ANKRD24: variants seen among roughly 807,000 people sequenced by gnomAD.
ANKRD24 encodes the protein ankyrin repeat domain-containing protein 24.
In ANKRD24, 109 loss-of-function variants were observed where a neutral mutation model predicts 127.8. The observed-to-expected ratio is 0.85, with a 90% CI of 0.73 to 1.00. The LOEUF (loss-of-function observed/expected upper bound fraction) is 1.00, where lower values mean the gene tolerates loss of function less well. Among genes scored for constraint, ANKRD24 ranks in the 50% least tolerant of loss-of-function variants. ANKRD24 has a pLI of 0.00. For synonymous variants in ANKRD24, 743 were observed against 671.1 expected (o/e 1.11, Z -1.66); for missense variants, 1,648 against 1,570.2 (o/e 1.05, Z -0.84).
At chr19:4,211,254 G>T (rs1321273456) in intron 13 of ANKRD24, among the ~76,000 whole-genome samples, 1 of 152,162 alleles carries the variant, frequency 6.6e-6, no homozygotes, top group Non-Finnish European at 1.5e-5. Flanking sequence ...TCACAGTATG[G>T]GCGTCGTCAA....
rs1008652996 is a variant in ANKRD24, at chr19:4,212,634, A to C, written c.1133A>C (p.Gln378Pro). 1.9e-6 allele frequency: 3 copies of C among 1,551,296 alleles called. No homozygotes were observed. Among genetic ancestry groups the C allele is most frequent in the Non-Finnish European group, 2.6e-6 (3 of 1,147,000 alleles). ...QELQQLLVER[Q>P]EEKESLGREV... is the part of the protein sequence containing the mutation. ...CTACAGCAGTTGCTGGTGGAGAGAC[A>C]AGAGGAGAAGGAGAGCCTGGGACGG... The change falls in exon 15 of 22, where the codon CAA becomes CCA. Residue 378 changes from glutamine (Q) to proline (P), a missense_variant. By Grantham distance (76) the Gln-to-Pro change is moderately conservative. Transcript: ENST00000318934.
intron 2 of ANKRD24, among the ~76,000 whole-genome samples, chr19:4,196,798 G>T (rs965636955): frequency 6.6e-6 from 1 of 152,280 alleles, no homozygotes. Context: ...GCTTGAAGGA[G>T]CATCTCCCCC....
At chr19:4,186,702 C>A (rs912526109) in intron 2 of ANKRD24, among the ~76,000 whole-genome samples, 3 of 152,142 alleles carry the variant, frequency 2.0e-5, no homozygotes, top group African/African-American at 7.2e-5. Context: ...ACCAATCAGA[C>A]CCTCCTAATT....
In ANKRD24 at chr19:4,219,680, G is replaced by C; in HGVS notation, c.3093G>C (p.Arg1031=). Residue 1031 remains arginine (R), a synonymous_variant, in exon 19 of 22, where the codon CGG becomes CGC. Transcript: ENST00000318934. ...CAGAGCAGCAGCTACGGGGGCTACG[G>C]ACCGAGGCGGAAAGGGCTCGCCAGG... is the stretch of plus-strand genomic sequence containing the variant. ...ATAEQQLRGL[R]TEAERARQAQ... is the part of the protein sequence containing the mutation. 6.2e-7 allele frequency: 1 copy of C among 1,613,854 alleles called. No homozygotes were observed. The highest frequency in any genetic ancestry group is 8.5e-7 in the Non-Finnish European group (1 of 1,179,840).
At chr19:4,219,422 G>A (rs1049270287) in intron 18 of ANKRD24, among the ~76,000 whole-genome samples, 169 bp from the exon 19 acceptor site, 3 of 152,004 alleles carry the variant, frequency 2.0e-5, no homozygotes, top group Non-Finnish European at 2.9e-5. Context: ...AGCCATGATC[G>A]CACCACCGCA....
intron 12 of ANKRD24, 31 bp downstream of exon 12, chr19:4,210,169 A>G (rs768414483): frequency 1.9e-5 from 30 of 1,584,716 alleles, no homozygotes; most frequent in Non-Finnish European, 2.3e-5. Context: ...GGGAGGAGGC[A>G]TGGGGAGCCC....
chr19:4,211,642 TCAA>T (rs1404594672), intron 13 of ANKRD24, among the ~76,000 whole-genome samples: 2 of 151,840 alleles, frequency 1.3e-5, no homozygotes, highest in South Asian at 2.1e-4. Flanking sequence ...AGACTCCATC[TCAA>T]CAACAACAAC....
chr19:4,208,733 A>C, intron 10 of ANKRD24, 31 bp from the exon 11 acceptor site: 1 of 1,608,058 alleles, frequency 6.2e-7, no homozygotes, highest in Non-Finnish European at 8.5e-7. Context: ...CTGGGAACAG[A>C]ATGCCTGACC....
intron 15 of ANKRD24, among the ~76,000 whole-genome samples, chr19:4,214,157 A>G (rs903146419): frequency 3.3e-5 from 5 of 150,762 alleles, no homozygotes; most frequent in African/African-American, 9.7e-5. Context: ...ATACATACAC[A>G]TGCAACAAAT....
At chr19:4,209,676 C>A (rs1231878679) in intron 11 of ANKRD24, among the ~76,000 whole-genome samples, 1 of 152,046 alleles carries the variant, frequency 6.6e-6, no homozygotes, top group East Asian at 1.9e-4. Context: ...TGCTCTCGAA[C>A]TCCTGACCTC....
intron 2 of ANKRD24, among the ~76,000 whole-genome samples, chr19:4,194,452 C>T (rs749497332): frequency 2.0e-5 from 3 of 152,152 alleles, no homozygotes; most frequent in Non-Finnish European, 4.4e-5. Context: ...CGCACCTAGC[C>T]AGAAATGTGA....
intron 2 of ANKRD24, among the ~76,000 whole-genome samples, chr19:4,191,804 C>G (rs956259523): frequency 1.4e-5 from 2 of 144,794 alleles, no homozygotes; most frequent in African/African-American, 5.0e-5. Flanking sequence ...TATTTTGAGA[C>G]AGAGTCTTGC....
Position 4,198,583 on chromosome 19 carries a change from C to A in ANKRD24, c.37-1100C>A. ...AGCGGGCGGGGCGCGGGTACCTCCT[C>A]TCCCCTCCCTTCCCCGTCCCCGGCT... On this transcript the variant is annotated intron_variant, in intron 2 of 21. Coordinates refer to ENST00000318934, the MANE Select transcript of ANKRD24 (RefSeq NM_001393985.1). The surrounding 1 kb of genome is among the most constrained non-coding windows in gnomAD (Gnocchi z 6.1). 1 of 462,738 alleles carries A rather than the reference C, an allele frequency of 2.2e-6. No individual in the cohort carries two copies. Among genetic ancestry groups the A allele is most frequent in the Non-Finnish European group, 3.8e-6 (1 of 261,372 alleles). 28.7% of individuals were successfully genotyped at this position (462,738 alleles called of 1,614,324 possible). A position where few individuals can be genotyped will look rare whatever the true frequency, so the allele number is the denominator to read the frequency against.
In ANKRD24 at chr19:4,200,006, G is replaced by A. The variant is rs765780384; in HGVS notation, c.254+1G>A. The A allele has an allele frequency of 6.4e-6, 10 of 1,563,808 alleles. No homozygotes were observed. Among genetic ancestry groups the A allele is most frequent in the African/African-American group, 5.4e-5 (4 of 73,764 alleles). On this transcript the variant is annotated splice_donor_variant, in intron 4 of 21. Transcript: ENST00000318934. LOFTEE classifies it high-confidence loss of function. The stretch of plus-strand genomic sequence containing the variant: ...AGCTAGACCCCGAGGGCAAGTCCGC[G>A]TGAGTGCCCGCGACCCGGGAGTGAG...
rs573110978 is a variant in ANKRD24, at chr19:4,195,624, G to A, written c.37-4059G>A. 2.6e-4 allele frequency among the ~76,000 whole-genome samples: 40 copies of A among 152,216 alleles called. No individual in the cohort carries two copies. The highest frequency in any genetic ancestry group is 9.7e-4 in the East Asian group (5 of 5,156). On this transcript the variant is annotated intron_variant, in intron 2 of 21. Coordinates refer to ENST00000318934, the MANE Select transcript of ANKRD24 (RefSeq NM_001393985.1). The surrounding 1 kb of genome is among the most constrained non-coding windows in gnomAD (Gnocchi z 4.2). ...CCAAACATGTCTAAGAGGGCCGGGC[G>A]CAGTGGCTCACGCCTGTAATCCCAA...
chr19:4,223,431 C>T (rs1284613999), intron 20 of ANKRD24, among the ~76,000 whole-genome samples: 1 of 125,882 alleles, frequency 7.9e-6, no homozygotes, highest in African/African-American at 3.5e-5. Context: ...GAGCCAGTCT[C>T]ACTCTGTCAC....
rs1264447651 is a variant in ANKRD24, at chr19:4,207,248, G to T, written c.473G>T (p.Gly158Val). 6.2e-7 allele frequency: 1 copy of T among 1,613,722 alleles called. No individual in the cohort carries two copies. The highest frequency in any genetic ancestry group is 1.3e-5 in the African/African-American group (1 of 74,966). Residue 158 changes from glycine (G) to valine (V), a missense_variant, in exon 8 of 22, where the codon GGT becomes GTT. By Grantham distance (109) the Gly-to-Val change is moderately radical. Transcript: ENST00000318934. ...GWTALHHAAAGGCLSCSEVLC... is the reference protein window; with the variant it reads ...GWTALHHAAAVGCLSCSEVLC... ...AACCTTTTCTCTTTTGCAGCGGCTG[G>T]TGGCTGTCTCTCCTGCTCAGAGGTG...
At position 4,199,699 on chromosome 19, in the gene ANKRD24, C is replaced by G; in HGVS notation, c.53C>G (p.Thr18Ser). 1.3e-6 allele frequency: 2 copies of G among 1,537,768 alleles called. No individual in the cohort carries two copies. Among genetic ancestry groups the G allele is most frequent in the Non-Finnish European group, 1.7e-6 (2 of 1,144,636 alleles). ...FKKTELRLSPTDLGSCPPCGP... is the reference protein window; with the variant it reads ...FKKTELRLSPSDLGSCPPCGP... The stretch of plus-strand genomic sequence containing the variant: ...CCCCTGCAGCTGCGGCTCAGCCCCA[C>G]TGACCTTGGCTCCTGCCCGCCCTGC... Residue 18 changes from threonine to serine, a missense_variant, in exon 3 of 22, where the codon ACT (threonine) becomes AGT (serine). Thr to Ser is a moderately conservative substitution (Grantham distance 58, BLOSUM62 1). Coordinates refer to ENST00000318934, the MANE Select transcript of ANKRD24 (RefSeq NM_001393985.1). The surrounding 1 kb of genome is among the most constrained non-coding windows in gnomAD (Gnocchi z 5.2).
chr19:4,203,104 G>C (rs1292769076), intron 7 of ANKRD24, among the ~76,000 whole-genome samples, 178 bp downstream of exon 7: 1 of 151,546 alleles, frequency 6.6e-6, no homozygotes, highest in Non-Finnish European at 1.5e-5. Context: ...CTGGAGTGCA[G>C]TGGCAAGATC....
Sources: allele counts gnomAD v4.1 joint callset (sites outside exome capture counted in the v4.1 genomes callset), GRCh38; gene constraint gnomAD v4.1.1; non-coding constraint Gnocchi (gnomAD v3.1); transcripts MANE v1.5; gene names NCBI Gene and HGNC (gene_info 2026-07-23, HGNC 2026-07-21).